Variants in CCDC148 observed in about 807,000 individuals in gnomAD.
The protein encoded by CCDC148 is coiled-coil domain-containing protein 148.
CCDC148 carries 89 observed loss-of-function variants against 85.7 expected under a neutral mutation model. The ratio of observed to expected loss-of-function variants is 1.04; its 90% CI spans 0.87 to 1.24. The LOEUF is 1.24. Among genes scored for constraint, CCDC148 ranks in the 50% most tolerant of loss-of-function variants. The pLI is 0.00. For missense variants in CCDC148, 692 were observed against 671.7 expected (o/e 1.03, Z -0.33); for synonymous variants, 230 against 213.9 (o/e 1.08, Z -0.66).
Position 158,456,559 on chromosome 2 carries a change from G to T in CCDC148, c.-120C>A, listed in dbSNP as rs1688759305. ...GGGCTCAGCTGTTCCTACCTTTGAC[G>T]CCAGGGACAAACCCTACCAGGCACA... On this transcript the variant is annotated 5_prime_UTR_variant, in exon 1 of 14. Coordinates refer to ENST00000283233, the MANE Select transcript of CCDC148 (RefSeq NM_138803.4). The T allele has an allele frequency of 2.3e-6, 3 of 1,277,922 alleles. No individual in the cohort carries two copies. The highest frequency in any genetic ancestry group is 2.6e-5 in the Admixed American group (1 of 38,256). 79.2% of individuals were successfully genotyped at this position (1,277,922 alleles called of 1,614,324 possible).
chr2:158,336,414 C>T (rs1682380531), intron 7 of CCDC148, among the ~76,000 whole-genome samples: 1 of 152,076 alleles, frequency 6.6e-6, no homozygotes, highest in South Asian at 2.1e-4. Context: ...CTTTAGTTGA[C>T]ATTTGCATGT....
intron 10 of CCDC148, among the ~76,000 whole-genome samples, chr2:158,231,963 G>T (rs1263023225): frequency 6.6e-6 from 1 of 152,128 alleles, no homozygotes; most frequent in Non-Finnish European, 1.5e-5. Context: ...AAGACTAAGG[G>T]TATTTAACTA....
intron 1 of CCDC148, chr2:158,366,190 C>G (rs1015849522): frequency 4.4e-6 from 3 of 678,676 alleles, no homozygotes; most frequent in Non-Finnish European, 6.9e-6. Flanking sequence ...TGCCATAATG[C>G]TTTTAATTTT....
chr2:158,240,452 T>TCTCA (rs941238898), intron 10 of CCDC148, among the ~76,000 whole-genome samples: 25 of 120,546 alleles, frequency 2.1e-4, no homozygotes, highest in African/African-American at 5.5e-4. Flanking sequence ...TCTCTCTCTC[T>TCTCA]CACACACACA....
At chr2:158,312,671 T>C (rs1308736760) in intron 8 of CCDC148, among the ~76,000 whole-genome samples, 3 of 151,676 alleles carry the variant, frequency 2.0e-5, no homozygotes, top group African/African-American at 7.3e-5. Flanking sequence ...CTTCAAGTTA[T>C]AAATAACAAC....
At chr2:158,175,632 A>T (rs1435566376) in intron 13 of CCDC148, among the ~76,000 whole-genome samples, 2 of 152,102 alleles carry the variant, frequency 1.3e-5, no homozygotes, top group Admixed American at 6.6e-5. Context: ...CCCAGGCACC[A>T]TACGCAGAGC....
intron 11 of CCDC148, among the ~76,000 whole-genome samples, chr2:158,185,020 G>T (rs986488210): frequency 2.0e-5 from 3 of 152,178 alleles, no homozygotes; most frequent in African/African-American, 7.2e-5. Context: ...GACAAAACCA[G>T]TTACAAGTTA....
chr2:158,228,076 T>C (rs1296644714), intron 10 of CCDC148, among the ~76,000 whole-genome samples: 1 of 151,986 alleles, frequency 6.6e-6, no homozygotes, highest in Non-Finnish European at 1.5e-5. Context: ...AGGGCTAATA[T>C]CCAGAATCTA....
intron 1 of CCDC148, among the ~76,000 whole-genome samples, chr2:158,429,868 G>A (rs1687260300): frequency 6.6e-6 from 1 of 152,198 alleles, no homozygotes; most frequent in Non-Finnish European, 1.5e-5. Context: ...CTTTCTGACT[G>A]GAGGTATACT....
chr2:158,403,053 T>C (rs1264406920), intron 1 of CCDC148, among the ~76,000 whole-genome samples: 1 of 152,150 alleles, frequency 6.6e-6, no homozygotes, highest in Non-Finnish European at 1.5e-5. Flanking sequence ...AAAGAGTTTC[T>C]TGGGCAAGGG....
chr2:158,311,910 T>C (rs1393935714), intron 8 of CCDC148, among the ~76,000 whole-genome samples: 1 of 152,128 alleles, frequency 6.6e-6, no homozygotes. Context: ...TTAGCAGTCT[T>C]GAGGGAAGAA....
At chr2:158,350,600 G>C (rs942833019) in intron 2 of CCDC148, among the ~76,000 whole-genome samples, 1 of 152,124 alleles carries the variant, frequency 6.6e-6, no homozygotes, top group Admixed American at 6.5e-5. Flanking sequence ...AACATGAAAA[G>C]TATCTATGCT....
chr2:158,173,122 G>A (rs1267228194), intron 13 of CCDC148, among the ~76,000 whole-genome samples: 2 of 152,048 alleles, frequency 1.3e-5, no homozygotes, highest in East Asian at 3.9e-4. Context: ...TCTCCTGGTG[G>A]TGGCGGCATG....
chr2:158,279,368 A>C (rs1282892829), intron 9 of CCDC148, among the ~76,000 whole-genome samples: 1 of 152,192 alleles, frequency 6.6e-6, no homozygotes, highest in Non-Finnish European at 1.5e-5. Flanking sequence ...AAAGAAGTTA[A>C]AAACTTTGAA....
intron 9 of CCDC148, among the ~76,000 whole-genome samples, chr2:158,271,352 T>C (rs1254778451): frequency 1.3e-5 from 2 of 152,178 alleles, no homozygotes; most frequent in African/African-American, 2.4e-5. Context: ...TAGAAACATA[T>C]TAAATGGAAA....
Position 158,454,549 on chromosome 2 carries a change from T to A in CCDC148, c.25+1866A>T, listed in dbSNP as rs1276697135. Reference sequence around the variant, plus strand: ...AGGAACCTCATGGTGGATCCTTCAGTAGAGTACGAGGCAAGATCATTTGCA... The same window carrying A: ...AGGAACCTCATGGTGGATCCTTCAGAAGAGTACGAGGCAAGATCATTTGCA... On this transcript the variant is annotated intron_variant, in intron 1 of 13. Coordinates refer to ENST00000283233, the MANE Select transcript of CCDC148 (RefSeq NM_138803.4). Among the ~76,000 whole-genome samples the A allele has an allele frequency of 3.3e-5, 5 of 152,330 alleles. No individual in the cohort carries two copies. In the East Asian group the frequency reaches 9.6e-4, roughly 29 times the overall value.
Position 158,442,657 on chromosome 2 carries a change from A to G in CCDC148, c.25+13758T>C, listed in dbSNP as rs570210040. Among the ~76,000 whole-genome samples, 6 of 152,352 alleles carry G rather than the reference A, an allele frequency of 3.9e-5. No homozygotes were observed. The South Asian group carries it at 6.2e-4, about 16-fold the overall frequency. On this transcript the variant is annotated intron_variant, in intron 1 of 13. Coordinates refer to ENST00000283233, the MANE Select transcript of CCDC148 (RefSeq NM_138803.4). The stretch of plus-strand genomic sequence containing the variant: ...GTGCCATTGCAAAAGGCCCAGAACT[A>G]TAAGAACACAGCATTCCACTCATGC...
At chr2:158,290,364 T>C (rs1690830775) in intron 9 of CCDC148, among the ~76,000 whole-genome samples, 1 of 152,220 alleles carries the variant, frequency 6.6e-6, no homozygotes, top group Non-Finnish European at 1.5e-5. Flanking sequence ...GCCAGCTTTT[T>C]CGCTTGTCCT....
chr2:158,271,036 T>C (rs1689674718), intron 9 of CCDC148, among the ~76,000 whole-genome samples: 1 of 152,202 alleles, frequency 6.6e-6, no homozygotes, highest in Non-Finnish European at 1.5e-5. Context: ...CTATAAATAA[T>C]TGTTTAGTTT....
Sources: allele counts gnomAD v4.1 joint callset (sites outside exome capture counted in the v4.1 genomes callset), GRCh38; gene constraint gnomAD v4.1.1; transcripts MANE v1.5; gene names NCBI Gene and HGNC (gene_info 2026-07-23, HGNC 2026-07-21).